Variants in NAA11 observed in about 807,000 individuals in gnomAD.
The protein encoded by NAA11 is N-alpha-acetyltransferase 11, NatA catalytic subunit.
A neutral mutation model predicts 16.1 loss-of-function variants in NAA11; 15 were observed. The ratio of observed to expected loss-of-function variants is 0.93; its 90% CI spans 0.62 to 1.44. The LOEUF (loss-of-function observed/expected upper bound fraction) is 1.44. Ranked by LOEUF, NAA11 falls within the 40% of genes most tolerant of loss-of-function variation. The pLI is 0.00. For missense variants in NAA11, 298 were observed against 291.3 expected (o/e 1.02, Z -0.17); for synonymous variants, 122 against 112.4 (o/e 1.09, Z -0.54).
chr4:79,303,153 G>A (rs1282153589), intron 1 of NAA11, among the ~76,000 whole-genome samples: 2 of 124,856 alleles, frequency 1.6e-5, no homozygotes, highest in African/African-American at 6.1e-5. Flanking sequence ...CAAAAAGCAT[G>A]CAAAAAAGCA....
At chr4:79,230,251 A>G (rs1161700350) in intron 2 of NAA11, among the ~76,000 whole-genome samples, 5 of 151,076 alleles carry the variant, frequency 3.3e-5, no homozygotes, top group Admixed American at 1.3e-4. Flanking sequence ...AGGAAGGGGA[A>G]TATCACACTC....
the NAA11 span, among the ~76,000 whole-genome samples, chr4:79,197,229 A>C: frequency 6.6e-6 from 1 of 152,018 alleles, no homozygotes; most frequent in Non-Finnish European, 1.5e-5. Flanking sequence ...GAATATGATT[A>C]CTGAGGGGTT....
intron 1 of NAA11, among the ~76,000 whole-genome samples, chr4:79,303,076 T>TTTTATATA (rs1553896049): frequency 3.0e-5 from 2 of 67,520 alleles, no homozygotes; most frequent in Non-Finnish European, 5.7e-5. Flanking sequence ...TTGAGGCCTT[T>TTTTATATA]TATATATATA....
chr4:79,299,262 A>G (rs1010188961), intron 1 of NAA11: 1 of 152,226 alleles, frequency 6.6e-6, no homozygotes, highest in African/African-American at 2.4e-5. Flanking sequence ...AGAAGTTGAG[A>G]CTTTCTACAC....
chr4:79,268,913 CATT>C (rs1489368725), intron 2 of NAA11, among the ~76,000 whole-genome samples: 1 of 131,010 alleles, frequency 7.6e-6, no homozygotes, highest in Non-Finnish European at 1.6e-5. Flanking sequence ...CATGTGATCT[CATT>C]GTTCAATTCC....
chr4:79,309,568 A>T (rs969531835), intron 1 of NAA11, among the ~76,000 whole-genome samples: 1 of 152,142 alleles, frequency 6.6e-6, no homozygotes, highest in Non-Finnish European at 1.5e-5. Flanking sequence ...TATGTTAGGA[A>T]GATATTTGTT....
chr4:79,279,022 A>G (rs1226928631), intron 2 of NAA11, among the ~76,000 whole-genome samples: 1 of 152,036 alleles, frequency 6.6e-6, no homozygotes, highest in Non-Finnish European at 1.5e-5. Flanking sequence ...GCATTAATCC[A>G]TTCATGAGGG....
chr4:79,168,732 T>C, the NAA11 span, among the ~76,000 whole-genome samples: 1 of 152,188 alleles, frequency 6.6e-6, no homozygotes, highest in Non-Finnish European at 1.5e-5. Context: ...GTTTATTTCT[T>C]GTAAATTTGT....
chr4:79,234,778 T>C (rs1409524509), intron 2 of NAA11, among the ~76,000 whole-genome samples: 2 of 152,086 alleles, frequency 1.3e-5, no homozygotes, highest in Admixed American at 6.6e-5. Flanking sequence ...TTCATATCAA[T>C]TGATTATTTT....
At chr4:79,235,548 A>G (rs747556204) in intron 2 of NAA11, among the ~76,000 whole-genome samples, 21 of 152,172 alleles carry the variant, frequency 1.4e-4, no homozygotes, top group Non-Finnish European at 2.5e-4. Flanking sequence ...CAGTTATACT[A>G]TGTTGAGAAA....
At chr4:79,238,955 C>T (rs1002194154) in intron 2 of NAA11, among the ~76,000 whole-genome samples, 1 of 152,188 alleles carries the variant, frequency 6.6e-6, no homozygotes, top group African/African-American at 2.4e-5. Flanking sequence ...TCATACTTCC[C>T]ATAGTATGGT....
chr4:79,175,260 T>A, the NAA11 span, among the ~76,000 whole-genome samples: 1 of 152,166 alleles, frequency 6.6e-6, no homozygotes, highest in Non-Finnish European at 1.5e-5. Context: ...TGTTCTGAGC[T>A]GATGTATTTC....
chr4:79,192,828 GT>G, the NAA11 span, among the ~76,000 whole-genome samples: 1 of 149,748 alleles, frequency 6.7e-6, no homozygotes, highest in Non-Finnish European at 1.5e-5. Context: ...GGTTGAACTA[GT>G]TTACAGTCCC....
At chr4:79,186,255 G>A in the NAA11 span, among the ~76,000 whole-genome samples, 1 of 152,106 alleles carries the variant, frequency 6.6e-6, no homozygotes, top group Admixed American at 6.5e-5. Context: ...GTTGAATTTG[G>A]CTATAATGGT....
At chr4:79,171,462 T>C in the NAA11 span, among the ~76,000 whole-genome samples, 1 of 152,190 alleles carries the variant, frequency 6.6e-6, no homozygotes, top group Admixed American at 6.5e-5. Flanking sequence ...AAATCTGTTC[T>C]TTATAAATTA....
chr4:79,222,393 A>T (rs572754766), downstream of NAA11, among the ~76,000 whole-genome samples: 1,150 of 151,972 alleles, frequency 7.6e-3, 16 homozygotes, highest in African/African-American at 0.026. Context: ...AGCAATGGGG[A>T]AAGGATTCTC....
chr4:79,175,334 T>G, the NAA11 span, among the ~76,000 whole-genome samples: 1 of 152,074 alleles, frequency 6.6e-6, no homozygotes, highest in Non-Finnish European at 1.5e-5. Flanking sequence ...TAAGAGAAAT[T>G]TTCAAGTTAT....
intron 2 of NAA11, among the ~76,000 whole-genome samples, chr4:79,287,868 A>C (rs929716666): frequency 1.3e-5 from 2 of 152,130 alleles, no homozygotes; most frequent in African/African-American, 4.8e-5. Flanking sequence ...TAATTTGGTA[A>C]ATTGTTATAT....
At chr4:79,254,729 G>A (rs560096471) in intron 2 of NAA11, among the ~76,000 whole-genome samples, 2 of 148,434 alleles carry the variant, frequency 1.3e-5, no homozygotes, top group Admixed American at 6.7e-5. Context: ...AAGTTTTAGG[G>A]TACATGTGCA....
Sources: gnomAD v4.1 joint callset for allele counts (sites outside exome capture counted in the v4.1 genomes callset) on GRCh38, gnomAD v4.1.1 for gene constraint, MANE v1.5 for transcripts, NCBI Gene and HGNC (gene_info 2026-07-23, HGNC 2026-07-21) for gene names.